Variants in MECOM observed in about 807,000 individuals in gnomAD.
MECOM encodes MDS1 and EVI1 complex locus.
A neutral mutation model predicts 116.3 loss-of-function variants in MECOM; 13 were observed. That is an observed-to-expected ratio of 0.11 (90% CI 0.07 to 0.18). The LOEUF is 0.18. Ranked by LOEUF, MECOM falls within the 10% of genes least tolerant of loss-of-function variation. The pLI is 1.00. For missense variants in MECOM, 1,299 were observed against 1,509.0 expected (o/e 0.86, Z 2.31); for synonymous variants, 528 against 535.2 (o/e 0.99, Z 0.19).
At chr3:169,496,328 G>A (rs1753810524) in intron 1 of MECOM, among the ~76,000 whole-genome samples, 1 of 152,214 alleles carries the variant, frequency 6.6e-6, no homozygotes, top group South Asian at 2.1e-4. Flanking sequence ...CGTGCATATG[G>A]AAATTATTAT....
At chr3:169,131,625 A>G (rs575540306) in intron 3 of MECOM, 94 bp from the exon 4 acceptor site, 6 of 880,010 alleles carry the variant, frequency 6.8e-6, no homozygotes, top group South Asian at 5.3e-5. Flanking sequence ...TACCTGTACA[A>G]ACACCTTAAC....
chr3:169,507,209 C>G (rs1190110820), intron 1 of MECOM, among the ~76,000 whole-genome samples: 2 of 152,192 alleles, frequency 1.3e-5, no homozygotes, highest in African/African-American at 4.8e-5. Flanking sequence ...AAAGATCTGT[C>G]CTCTTGCCAG....
intron 1 of MECOM, among the ~76,000 whole-genome samples, chr3:169,629,238 T>G (rs1771780287): frequency 1.3e-5 from 2 of 152,208 alleles, no homozygotes; most frequent in South Asian, 4.2e-4. Flanking sequence ...CATTTTACAT[T>G]TTTTAAATGT....
intron 1 of MECOM, among the ~76,000 whole-genome samples, chr3:169,554,048 G>A (rs1345314643): frequency 1.3e-5 from 2 of 152,170 alleles, no homozygotes; most frequent in Admixed American, 6.5e-5. Flanking sequence ...TTGCATTTAG[G>A]TGGAAAGCAG....
intron 1 of MECOM, among the ~76,000 whole-genome samples, chr3:169,550,420 C>A (rs1417179419): frequency 6.6e-6 from 1 of 152,128 alleles, no homozygotes; most frequent in Admixed American, 6.5e-5. Flanking sequence ...TAATTGTCAC[C>A]CATTTCAGTG....
chr3:169,640,403 T>C (rs1400537395), intron 1 of MECOM, among the ~76,000 whole-genome samples: 2 of 152,336 alleles, frequency 1.3e-5, no homozygotes, highest in Middle Eastern at 3.4e-3. Flanking sequence ...CATTCTAAAA[T>C]TTTAATGACT....
chr3:169,319,997 G>A (rs1314816286), intron 2 of MECOM, among the ~76,000 whole-genome samples: 1 of 152,234 alleles, frequency 6.6e-6, no homozygotes, highest in Admixed American at 6.5e-5. Context: ...AGGTCGTACG[G>A]TGACTTTGCC....
At chr3:169,607,139 T>C (rs142281353) in intron 1 of MECOM, among the ~76,000 whole-genome samples, 286 of 152,366 alleles carry the variant, frequency 1.9e-3, no homozygotes, top group African/African-American at 6.8e-3. Flanking sequence ...AATATCTTTA[T>C]AAATGAACAA....
intron 2 of MECOM, among the ~76,000 whole-genome samples, chr3:169,318,816 G>C (rs7648298): frequency 0.98 from 149,901 of 152,308 alleles, 73,785 homozygotes; most frequent in East Asian, 1. Flanking sequence ...GACACATGCA[G>C]GGCTGGGCAC....
chr3:169,500,042 C>T (rs952095833), intron 1 of MECOM, among the ~76,000 whole-genome samples: 5 of 151,870 alleles, frequency 3.3e-5, no homozygotes, highest in Non-Finnish European at 7.4e-5. Context: ...CCAGACAGCA[C>T]TATATTCAAT....
At chr3:169,111,247 C>T (rs906195262) in intron 9 of MECOM, among the ~76,000 whole-genome samples, 1 of 152,002 alleles carries the variant, frequency 6.6e-6, no homozygotes, top group East Asian at 1.9e-4. Context: ...TACCGTGAAC[C>T]CATAGCACTC....
intron 2 of MECOM, among the ~76,000 whole-genome samples, chr3:169,295,877 T>C (rs1171062969): frequency 6.6e-6 from 1 of 152,208 alleles, no homozygotes; most frequent in African/African-American, 2.4e-5. Context: ...AGTATATTCA[T>C]GGACAAGTGG....
chr3:169,263,119 A>G lies in MECOM; in HGVS notation c.375+118068T>C, dbSNP rs374222096. 2.7e-3 allele frequency among the ~76,000 whole-genome samples: 85 copies of G among 31,348 alleles called. 1 individual carries two copies. The highest frequency in any genetic ancestry group is 3.4e-3 in the Admixed American group (7 of 2,062). 20.6% of individuals were successfully genotyped at this position (31,348 alleles called of 152,430 possible). On this transcript the variant is annotated intron_variant, in intron 2 of 16. Coordinates refer to ENST00000651503, the MANE Select transcript of MECOM (RefSeq NM_004991.4). ...TATATATATATATATATATATATAT[A>G]TATATATATGTTTTTTTTTTTTTTT...
At chr3:169,165,899 A>C (rs892238162) in intron 2 of MECOM, among the ~76,000 whole-genome samples, 1 of 152,196 alleles carries the variant, frequency 6.6e-6, no homozygotes, top group African/African-American at 2.4e-5. Flanking sequence ...ATAGCTAAGT[A>C]AAATGTGTTT....
chr3:169,316,517 A>G (rs976300999), intron 2 of MECOM, among the ~76,000 whole-genome samples: 1 of 152,216 alleles, frequency 6.6e-6, no homozygotes, highest in African/African-American at 2.4e-5. Flanking sequence ...GAGATCTCAT[A>G]TGCATTCACA....
At chr3:169,112,726 C>G (rs1727832014) in intron 9 of MECOM, 61 bp downstream of exon 9, 1 of 1,291,176 alleles carries the variant, frequency 7.7e-7, no homozygotes, top group South Asian at 1.2e-5. Flanking sequence ...TTCATTGCAC[C>G]TGCTTTTCAG....
At chr3:169,353,170 A>G (rs1726679959) in intron 2 of MECOM, among the ~76,000 whole-genome samples, 1 of 151,976 alleles carries the variant, frequency 6.6e-6, no homozygotes, top group East Asian at 1.9e-4. Flanking sequence ...GCTGTTTATA[A>G]GAGATAGCTA....
chr3:169,405,618 A>C (rs1692400450), intron 1 of MECOM, among the ~76,000 whole-genome samples: 2 of 152,228 alleles, frequency 1.3e-5, no homozygotes, highest in South Asian at 4.1e-4. Context: ...TCCACAAACT[A>C]GCCATATTTA....
chr3:169,470,430 T>C (rs2293557), intron 1 of MECOM, among the ~76,000 whole-genome samples: 2,127 of 152,240 alleles, frequency 0.014, 157 homozygotes, highest in Admixed American at 0.12. Context: ...ACTCAGATCA[T>C]TGGAGGTCCT....
Sources: allele counts gnomAD v4.1 joint callset (sites outside exome capture counted in the v4.1 genomes callset), GRCh38; gene constraint gnomAD v4.1.1; transcripts MANE v1.5; gene names NCBI Gene and HGNC (gene_info 2026-07-23, HGNC 2026-07-21).